The following MAP4K4 variants were observed in gnomAD, a reference collection of about 807,000 sequenced individuals.
MAP4K4 encodes the protein HPK/GCK-like kinase HGK.
Under a neutral mutation model 189.6 loss-of-function variants are expected in MAP4K4, and 38 were observed. The ratio of observed to expected loss-of-function variants is 0.20; its 90% CI spans 0.15 to 0.26. MAP4K4 has a LOEUF of 0.26. Ranked by LOEUF, MAP4K4 falls within the 10% of genes least tolerant of loss-of-function variation. MAP4K4 has a pLI of 1.00. For synonymous variants in MAP4K4, 610 were observed against 624.3 expected (o/e 0.98, Z 0.34); for missense variants, 1,054 against 1,726.9 (o/e 0.61, Z 6.91).
chr2:101,855,902 CTGAT>C lies in MAP4K4; in HGVS notation c.1234-74_1234-71del, dbSNP rs2097438298. 10 of 1,420,080 alleles carry C rather than the reference CTGAT, an allele frequency of 7.0e-6. No individual in the cohort carries two copies. In the East Asian group the frequency reaches 2.5e-4, roughly 35 times the overall value. The allele number at this position is 1,420,080 out of a possible 1,614,324, so 88.0% of individuals were successfully genotyped here. A position where few individuals can be genotyped will look rare whatever the true frequency, so the allele number is the denominator to read the frequency against. On this transcript the variant is annotated intron_variant, in intron 12 of 32. Transcript: ENST00000324219. ...CTCATTAGTGTCCACCTGGCACTGACTGATCAGCACACTATAACATCATGAGAAA... is the reference window on the plus strand; with the variant it reads ...CTCATTAGTGTCCACCTGGCACTGACCAGCACACTATAACATCATGAGAAA...
At chr2:101,839,059 T>C (rs1419991694) in intron 9 of MAP4K4, among the ~76,000 whole-genome samples, 2 of 152,158 alleles carry the variant, frequency 1.3e-5, no homozygotes, top group Non-Finnish European at 2.9e-5. Flanking sequence ...TGGGGACACA[T>C]AGGACAGAGT....
At chr2:101,754,339 CTGTTTTT>C (rs1201848704) in intron 2 of MAP4K4, among the ~76,000 whole-genome samples, 7 of 90,072 alleles carry the variant, frequency 7.8e-5, no homozygotes, top group Admixed American at 3.0e-4. Flanking sequence ...AGCTTTTTTG[CTGTTTTT>C]TTTTTTTTTT....
exon 33 of MAP4K4, chr2:101,892,441 C>A (rs1284856206): frequency 6.1e-6 from 1 of 163,068 alleles, no homozygotes; most frequent in Non-Finnish European, 1.3e-5. Flanking sequence ...ACCAGATTCA[C>A]CATTAGAGGT....
intron 2 of MAP4K4, among the ~76,000 whole-genome samples, chr2:101,774,704 T>C (rs1409252878): frequency 6.6e-6 from 1 of 152,220 alleles, no homozygotes; most frequent in Admixed American, 6.5e-5. Flanking sequence ...AGTTTTCTTT[T>C]GATATACAAG....
chr2:101,859,565 TA>T, intron 14 of MAP4K4, 77 bp from the exon 15 acceptor site: 1 of 1,157,120 alleles, frequency 8.6e-7, no homozygotes, highest in Non-Finnish European at 1.2e-6. Flanking sequence ...TCACTTTTTT[TA>T]AAAGCCGAAC....
rs540299774 is a variant in MAP4K4, at chr2:101,757,057, T to C, written c.124-33663T>C. ...GGTTTGTTGGACTTCTAAGGTCTCA[T>C]TCACCTCTTGAGATGGCTTCACAAC... On this transcript the variant is annotated intron_variant, in intron 2 of 32. Transcript: ENST00000324219. Among the ~76,000 whole-genome samples the C allele has an allele frequency of 2.0e-5, 3 of 152,298 alleles. No individual in the cohort carries two copies. In the East Asian group the frequency reaches 5.8e-4, roughly 29 times the overall value.
chr2:101,797,216 C>T, intron 3 of MAP4K4: 1 of 1,286,028 alleles, frequency 7.8e-7, no homozygotes, highest in Non-Finnish European at 1.0e-6. Context: ...ATCTCTGTGG[C>T]CTGTGGGACC....
intron 5 of MAP4K4, among the ~76,000 whole-genome samples, chr2:101,825,882 A>C (rs1328952160): frequency 3.9e-5 from 6 of 152,208 alleles, no homozygotes; most frequent in Admixed American, 3.9e-4. Flanking sequence ...TATGAAGAAA[A>C]GTTCGAATGT....
chr2:101,888,206 C>G (rs968922755), intron 31 of MAP4K4, among the ~76,000 whole-genome samples: 1 of 152,106 alleles, frequency 6.6e-6, no homozygotes, highest in Non-Finnish European at 1.5e-5. Flanking sequence ...AGAGGAATAT[C>G]GGACATGTTT....
chr2:101,785,206 C>T (rs2090019208), intron 2 of MAP4K4, among the ~76,000 whole-genome samples: 1 of 152,168 alleles, frequency 6.6e-6, no homozygotes, highest in Admixed American at 6.5e-5. Flanking sequence ...TTCCTTCTCT[C>T]CTATTCTTAG....
chr2:101,803,524 T>G (rs1387232292), intron 3 of MAP4K4, among the ~76,000 whole-genome samples: 1 of 152,180 alleles, frequency 6.6e-6, no homozygotes, highest in East Asian at 1.9e-4. Flanking sequence ...TTTTTTTGCC[T>G]CCTGAATTTA....
intron 3 of MAP4K4, among the ~76,000 whole-genome samples, chr2:101,799,915 T>G (rs2094198942): frequency 1.3e-5 from 2 of 152,166 alleles, no homozygotes; most frequent in Admixed American, 1.3e-4. Flanking sequence ...ATTCTTCTGC[T>G]ATTTTAATCG....
At chr2:101,700,987 A>G (rs1266912207) in intron 2 of MAP4K4, among the ~76,000 whole-genome samples, 1 of 152,138 alleles carries the variant, frequency 6.6e-6, no homozygotes, top group African/African-American at 2.4e-5. Context: ...TTGGGATTAC[A>G]TTATTAACAC....
At chr2:101,826,335 C>T (rs867668179) in intron 5 of MAP4K4, among the ~76,000 whole-genome samples, 1 of 152,066 alleles carries the variant, frequency 6.6e-6, no homozygotes, top group South Asian at 2.1e-4. Context: ...GCCATCTAGA[C>T]TTCCTAGAGA....
At chr2:101,750,561 G>T (rs907017172) in intron 2 of MAP4K4, among the ~76,000 whole-genome samples, 7 of 150,634 alleles carry the variant, frequency 4.6e-5, no homozygotes, top group Admixed American at 4.6e-4. Context: ...CCTAATGCTA[G>T]ATGACGAGTT....
exon 1 of MAP4K4, chr2:101,698,000 C>A: frequency 1.0e-6 from 1 of 992,952 alleles, no homozygotes; most frequent in South Asian, 1.8e-5. Context: ...GGAGCGCGGT[C>A]GGCGGCCTGG....
chr2:101,757,762 G>A (rs774154287), intron 2 of MAP4K4, among the ~76,000 whole-genome samples: 1 of 152,244 alleles, frequency 6.6e-6, no homozygotes, highest in Non-Finnish European at 1.5e-5. Flanking sequence ...GCTCACGCCT[G>A]TAATGCCAGC....
At position 101,862,707 on chromosome 2, in the gene MAP4K4, C is replaced by T. The variant is rs894498486; in HGVS notation, c.1867-1114C>T. Reference sequence around the variant, plus strand: ...TCTCGTGTAGGACTCTATTTTAAAACTCATTTTTGATTATAATTTCAGGTA... The same window carrying T: ...TCTCGTGTAGGACTCTATTTTAAAATTCATTTTTGATTATAATTTCAGGTA... On this transcript the variant is annotated intron_variant, in intron 16 of 32. Transcript: ENST00000324219. Among the ~76,000 whole-genome samples, 28 of 152,272 alleles carry T rather than the reference C, an allele frequency of 1.8e-4. 1 individual carries two copies. Among genetic ancestry groups the T allele is most frequent in the Non-Finnish European group, 2.9e-5 (2 of 68,010 alleles).
chr2:101,870,466 A>T (rs2097955124), intron 23 of MAP4K4, 51 bp downstream of exon 23: 12 of 1,605,404 alleles, frequency 7.5e-6, no homozygotes, highest in Non-Finnish European at 1.0e-5. Context: ...TGTGGTCATT[A>T]ACCCACTTGC....
Sources: allele counts gnomAD v4.1 joint callset (sites outside exome capture counted in the v4.1 genomes callset), GRCh38; gene constraint gnomAD v4.1.1; transcripts MANE v1.5; gene names NCBI Gene and HGNC (gene_info 2026-07-23, HGNC 2026-07-21).